The following SARM1 variants were observed in gnomAD, a reference collection of about 807,000 sequenced individuals.
SARM1 encodes sterile alpha and TIR motif containing 1.
In SARM1, 60 loss-of-function variants were observed where a neutral mutation model predicts 65.1. The ratio of observed to expected loss-of-function variants is 0.92; its 90% CI spans 0.75 to 1.14. The LOEUF is 1.14. Ranked by LOEUF, SARM1 falls within the 50% of genes most tolerant of loss-of-function variation. The pLI is 0.00. For missense variants in SARM1, 913 were observed against 1,015.7 expected (o/e 0.90, Z 1.37); for synonymous variants, 417 against 465.4 (o/e 0.90, Z 1.34).
At chr17:28,376,235 G>A (rs1555584571) in intron 1 of SARM1, among the ~76,000 whole-genome samples, 1 of 151,956 alleles carries the variant, frequency 6.6e-6, no homozygotes, top group African/African-American at 2.4e-5. Context: ...CCTTCCCTTC[G>A]CTGGGCCTCA....
rs781920108 is a variant in SARM1, at chr17:28,372,217, A to G, written c.185A>G (p.Gln62Arg). 7.9e-6 allele frequency: 11 copies of G among 1,384,690 alleles called. No individual in the cohort carries two copies. In the South Asian group the frequency reaches 1.8e-4, roughly 23 times the overall value. 85.8% of individuals were successfully genotyped at this position (1,384,690 alleles called of 1,614,324 possible). A position where few individuals can be genotyped will look rare whatever the true frequency, so the allele number is the denominator to read the frequency against. Residue 62 changes from glutamine to arginine, a missense_variant, in exon 1 of 9, where the codon CAG (glutamine) becomes CGG (arginine). This residue lies in a region of SARM1 where 862 missense variants were observed against 952.1 expected (regional missense o/e 0.91). Coordinates refer to ENST00000585482, the MANE Select transcript of SARM1 (RefSeq NM_015077.4). The surrounding 1 kb of genome is among the most constrained non-coding windows in gnomAD (Gnocchi z 5.2). The stretch of plus-strand genomic sequence containing the variant: ...TCGCCGGGGGCAGGCACCGAGGTGC[A>G]GGACGCCCTGGAGCGCGCGCTGCCG... Reference protein sequence around the residue: ...EVSPGAGTEVQDALERALPEL... With the variant: ...EVSPGAGTEVRDALERALPEL...
chr17:28,381,065 G>A, intron 1 of SARM1, 138 bp from the exon 2 acceptor site: 1 of 1,011,542 alleles, frequency 9.9e-7, no homozygotes, highest in Non-Finnish European at 1.4e-6. Context: ...GATGAGGGTG[G>A]GGAGCAGGGA....
At chr17:28,390,414 A>G (rs527895100) in intron 7 of SARM1, among the ~76,000 whole-genome samples, 270 of 152,252 alleles carry the variant, frequency 1.8e-3, no homozygotes, top group African/African-American at 4.8e-3. Context: ...AGAAAAAGAA[A>G]AAAATGGGGG....
In SARM1 at chr17:28,391,979, G is replaced by C. The variant is rs560626562; in HGVS notation, c.1923+3440G>C. On this transcript the variant is annotated intron_variant, in intron 7 of 8. Transcript: ENST00000585482. Reference sequence around the variant, plus strand: ...AAGCCTGGAGTTCAGTGCCTGCCTCGGCTCCCCAAAGTTCTGGGATTAGAG... The same window carrying C: ...AAGCCTGGAGTTCAGTGCCTGCCTCCGCTCCCCAAAGTTCTGGGATTAGAG... 1.2e-3 allele frequency among the ~76,000 whole-genome samples: 184 copies of C among 151,128 alleles called. 1 individual carries two copies. The highest frequency in any genetic ancestry group is 5.4e-3 in the Admixed American group (81 of 15,118).
chr17:28,392,245 G>A (rs2142437556), intron 7 of SARM1, among the ~76,000 whole-genome samples: 1 of 151,724 alleles, frequency 6.6e-6, no homozygotes, highest in South Asian at 2.1e-4. Context: ...CTGAGTAGCT[G>A]GGACTACAGG....
intron 1 of SARM1, among the ~76,000 whole-genome samples, chr17:28,377,582 T>A (rs1296767936): frequency 6.6e-6 from 1 of 152,208 alleles, no homozygotes; most frequent in Admixed American, 6.5e-5. Flanking sequence ...CGGACTCAGG[T>A]AGGTTCTGCA....
rs1555589529 is a variant in SARM1, at chr17:28,401,108, T to C, written c.*4822T>C. The C allele has an allele frequency of 2.8e-6, 1 of 352,666 alleles. No homozygotes were observed. Among genetic ancestry groups the C allele is most frequent in the African/African-American group, 2.1e-5 (1 of 47,188 alleles). The allele number at this position is 352,666 out of a possible 1,614,324, so 21.8% of individuals were successfully genotyped here. On this transcript the variant is annotated 3_prime_UTR_variant, in exon 9 of 9. Transcript: ENST00000585482. ...TGGCTTTTTTCTGGTTTATCCTCTT[T>C]GGAATCATCTCCTGTTTGGGATTAA...
In SARM1 at chr17:28,388,510, G is replaced by C; in HGVS notation, c.1894G>C (p.Asp632His). ...TGGAGCACTGGACAAGTGCATGCAA[G>C]ACCATGACTGCAAGGATTGGGTGCA... ...SPGALDKCMQ[D>H]HDCKDWVHKE... Residue 632 changes from aspartate (D) to histidine (H), a missense_variant, in exon 7 of 9, where the codon GAC becomes CAC. By Grantham distance (81) the Asp-to-His change is moderately conservative. This residue lies in a region of SARM1 where 862 missense variants were observed against 952.1 expected (regional missense o/e 0.91). Coordinates refer to ENST00000585482, the MANE Select transcript of SARM1 (RefSeq NM_015077.4). The C allele has an allele frequency of 6.2e-7, 1 of 1,613,782 alleles. No homozygotes were observed. The highest frequency in any genetic ancestry group is 8.5e-7 in the Non-Finnish European group (1 of 1,179,900).
At chr17:28,379,803 A>C (rs1555584969) in intron 1 of SARM1, among the ~76,000 whole-genome samples, 1 of 152,242 alleles carries the variant, frequency 6.6e-6, no homozygotes, top group Non-Finnish European at 1.5e-5. Flanking sequence ...AGACATTGGA[A>C]TGACGAACCA....
At chr17:28,388,004 A>G (rs2068060786) in intron 5 of SARM1, 170 bp from the exon 6 acceptor site, 5 of 621,880 alleles carry the variant, frequency 8.0e-6, no homozygotes, top group Admixed American at 7.9e-5. Flanking sequence ...CAACAATAAC[A>G]TGACCTTCCT....
chr17:28,399,802 GC>G lies in SARM1; in HGVS notation c.*3517del. 1 of 1,401,912 alleles carries G rather than the reference GC, an allele frequency of 7.1e-7. No individual in the cohort carries two copies. Among genetic ancestry groups the G allele is most frequent in the East Asian group, 2.3e-5 (1 of 43,630 alleles). 86.8% of individuals were successfully genotyped at this position (1,401,912 alleles called of 1,614,324 possible). A position where few individuals can be genotyped will look rare whatever the true frequency, so the allele number is the denominator to read the frequency against. ...AGTGACACAGGATTTACTGGGGTGG[GC>G]TGGTCCAGGTAGCTCTCCTGAACCT... On this transcript the variant is annotated 3_prime_UTR_variant, in exon 9 of 9. Coordinates refer to ENST00000585482, the MANE Select transcript of SARM1 (RefSeq NM_015077.4).
In SARM1 at chr17:28,399,897, C is replaced by CA; in HGVS notation, c.*3611_*3612insA. The CA allele has an allele frequency of 2.0e-6, 1 of 506,822 alleles. No individual in the cohort carries two copies. Among genetic ancestry groups the CA allele is most frequent in the East Asian group, 3.5e-5 (1 of 28,752 alleles). The allele number at this position is 506,822 out of a possible 1,614,324, so 31.4% of individuals were successfully genotyped here. On this transcript the variant is annotated 3_prime_UTR_variant, in exon 9 of 9. Transcript: ENST00000585482. ...CCAGGGACATGGCTCTGGAAAATAA[C>CA]TTTTTTTTTTTTAAGAGACAGGGTC...
Position 28,402,387 on chromosome 17 carries a change from G to A in SARM1, c.*6101G>A, listed in dbSNP as rs2068208276. On this transcript the variant is annotated 3_prime_UTR_variant, in exon 9 of 9. Coordinates refer to ENST00000585482, the MANE Select transcript of SARM1 (RefSeq NM_015077.4). ...GAGAGGGGCGTCCAAGGGAAAGGCAGCAGAGCTCCTATCCATACCCCACGT... is the reference window on the plus strand; with the variant it reads ...GAGAGGGGCGTCCAAGGGAAAGGCAACAGAGCTCCTATCCATACCCCACGT... 2.2e-6 allele frequency: 3 copies of A among 1,378,844 alleles called. No individual in the cohort carries two copies. Among genetic ancestry groups the A allele is most frequent in the Non-Finnish European group, 3.1e-6 (3 of 982,580 alleles). The allele number at this position is 1,378,844 out of a possible 1,614,324, so 85.4% of individuals were successfully genotyped here. A position where few individuals can be genotyped will look rare whatever the true frequency, so the allele number is the denominator to read the frequency against.
rs2068126400 is a variant in SARM1, at chr17:28,396,535, C to T, written c.*249C>T. On this transcript the variant is annotated 3_prime_UTR_variant, in exon 9 of 9. Transcript: ENST00000585482. ...CCCCCAGGCCCTGCCATTGGGTTGT[C>T]TGTCTCCGTCATGGGGAGGGTCCCT... 3.7e-6 allele frequency: 2 copies of T among 543,938 alleles called. No homozygotes were observed. The highest frequency in any genetic ancestry group is 6.3e-5 in the East Asian group (2 of 31,986). 33.7% of individuals were successfully genotyped at this position (543,938 alleles called of 1,614,324 possible). A position where few individuals can be genotyped will look rare whatever the true frequency, so the allele number is the denominator to read the frequency against.
In SARM1 at chr17:28,384,491, C is replaced by G. The variant is rs2068039569; in HGVS notation, c.1224C>G (p.Ser408=). ...GEEVPRPILP[S]VPSWKEAEVQ... is the part of the protein sequence containing the mutation. ...AGGTGCCACGGCCCATCCTGCCCTC[C>G]GTGCCCAGCTGGAAGGAGGCCGAGG... The change falls in exon 3 of 9, where the codon TCC becomes TCG. Residue 408 remains serine, a synonymous_variant. Coordinates refer to ENST00000585482, the MANE Select transcript of SARM1 (RefSeq NM_015077.4). This position sits in a 1 kb window ranked among gnomAD's most constrained non-coding sequence, Gnocchi z 4.4. The G allele has an allele frequency of 1.9e-6, 3 of 1,613,666 alleles. No individual in the cohort carries two copies. Among genetic ancestry groups the G allele is most frequent in the Non-Finnish European group, 2.5e-6 (3 of 1,179,714 alleles).
In SARM1 at chr17:28,384,617, G is replaced by A. The variant is rs1346424258; in HGVS notation, c.1302+48G>A. On this transcript the variant is annotated intron_variant, in intron 3 of 8. Coordinates refer to ENST00000585482, the MANE Select transcript of SARM1 (RefSeq NM_015077.4). This position sits in a 1 kb window ranked among gnomAD's most constrained non-coding sequence, Gnocchi z 4.4. ...TCCCCCGAGTCAGAGCGGGCGCCCT[G>A]TGCACAGGGACTGCGTTCCCTCCCC... 3.3e-6 allele frequency: 5 copies of A among 1,500,634 alleles called. No homozygotes were observed. The African/African-American group carries it at 4.2e-5, about 13-fold the overall frequency. 93.0% of individuals were successfully genotyped at this position (1,500,634 alleles called of 1,614,324 possible).
At position 28,396,008 on chromosome 17, in the gene SARM1, T is replaced by C; in HGVS notation, c.2027T>C (p.Leu676Pro). ...QVLPEDMQAV[L>P]TFNGIKWSHE... is the part of the protein sequence containing the mutation. ...CTGCCTGAGGACATGCAGGCTGTGC[T>C]TACTTTCAACGGTATCAAGTGAGCC... is the stretch of plus-strand genomic sequence containing the variant. The change falls in exon 8 of 9, where the codon CTT becomes CCT. Residue 676 changes from leucine (L) to proline (P), a missense_variant. Transcript: ENST00000585482. The C allele has an allele frequency of 6.2e-7, 1 of 1,613,908 alleles. No individual in the cohort carries two copies. The highest frequency in any genetic ancestry group is 1.1e-5 in the South Asian group (1 of 91,086).
In SARM1 at chr17:28,401,165, C is replaced by T. The variant is rs1420305799; in HGVS notation, c.*4879C>T. On this transcript the variant is annotated 3_prime_UTR_variant, in exon 9 of 9. Coordinates refer to ENST00000585482, the MANE Select transcript of SARM1 (RefSeq NM_015077.4). Reference sequence around the variant, plus strand: ...GTCTGATCAGTTCCAATATTCATAGCGGTGTCACCACTGAATAGCTTCTTA... The same window carrying T: ...GTCTGATCAGTTCCAATATTCATAGTGGTGTCACCACTGAATAGCTTCTTA... The T allele has an allele frequency of 1.2e-5, 3 of 258,862 alleles. No individual in the cohort carries two copies. The highest frequency in any genetic ancestry group is 2.3e-5 in the Non-Finnish European group (3 of 131,092). The allele number at this position is 258,862 out of a possible 1,614,324, so 16.0% of individuals were successfully genotyped here.
chr17:28,396,365 T>C lies in SARM1; in HGVS notation c.*79T>C. 6.4e-7 allele frequency: 1 copy of C among 1,566,340 alleles called. No individual in the cohort carries two copies. Among genetic ancestry groups the C allele is most frequent in the Non-Finnish European group, 8.7e-7 (1 of 1,145,664 alleles). On this transcript the variant is annotated 3_prime_UTR_variant, in exon 9 of 9. Coordinates refer to ENST00000585482, the MANE Select transcript of SARM1 (RefSeq NM_015077.4). ...GAAGGAACAGCTCCTGAAACCAGTC[T>C]CCCTGGGCTGAGACAACCTGGGCTC...
Sources: gnomAD v4.1 joint callset for allele counts (sites outside exome capture counted in the v4.1 genomes callset) on GRCh38, gnomAD v4.1.1 for gene constraint, gnomAD v4.1.1 regional missense constraint, Gnocchi (gnomAD v3.1) non-coding constraint, MANE v1.5 for transcripts, NCBI Gene and HGNC (gene_info 2026-07-23, HGNC 2026-07-21) for gene names.